LYRM2: variants seen among roughly 807,000 people sequenced by gnomAD.
The protein encoded by LYRM2 is LYR motif-containing protein 2.
A neutral mutation model predicts 11.6 loss-of-function variants in LYRM2; 8 were observed. That is an observed-to-expected ratio of 0.69 (90% confidence interval 0.40 to 1.24). The LOEUF (loss-of-function observed/expected upper bound fraction) is 1.24, where lower values mean the gene tolerates loss of function less well. Ranked by LOEUF, LYRM2 falls within the 50% of genes most tolerant of loss-of-function variation. LYRM2 has a pLI of 0.01. For missense variants in LYRM2, 117 were observed against 102.9 expected (o/e 1.14, Z -0.59); for synonymous variants, 30 against 36.4 (o/e 0.83, Z 0.63).
At position 89,637,184 on chromosome 6, in the gene LYRM2, G is replaced by A; in HGVS notation, c.*89C>T. 1.4e-6 allele frequency: 1 copy of A among 702,550 alleles called. No individual in the cohort carries two copies. Among genetic ancestry groups the A allele is most frequent in the Non-Finnish European group, 2.5e-6 (1 of 399,246 alleles). The allele number at this position is 702,550 out of a possible 1,614,324, so 43.5% of individuals were successfully genotyped here. On this transcript the variant is annotated 3_prime_UTR_variant, in exon 3 of 3. Transcript: ENST00000523377. ...TCACCAAATACTGTACATATAAATA[G>A]TAAGACTGGGCTTTGTGTTGTCCAT...
chr6:89,638,722 C>T lies in LYRM2; in HGVS notation c.-6G>A. 2 of 1,613,996 alleles carry T rather than the reference C, an allele frequency of 1.2e-6. No individual in the cohort carries two copies. Among genetic ancestry groups the T allele is most frequent in the Non-Finnish European group, 1.7e-6 (2 of 1,179,938 alleles). Reference sequence around the variant, plus strand: ...GGTAAGCGGGAAGCAGCCATGTCCACCAGAGGTCCGCCGGAGCCTCAGCGC... The same window carrying T: ...GGTAAGCGGGAAGCAGCCATGTCCATCAGAGGTCCGCCGGAGCCTCAGCGC... On this transcript the variant is annotated 5_prime_UTR_variant, in exon 1 of 3. The change creates a new upstream start codon in the 5' untranslated region. Transcript: ENST00000523377.
rs1165146489 is a variant in LYRM2 at position 89,633,170 on chromosome 6, A to C, written c.*4103T>G. 2.0e-5 allele frequency: 3 copies of C among 152,206 alleles called. No individual in the cohort carries two copies. The highest frequency in any genetic ancestry group is 7.2e-5 in the African/African-American group (3 of 41,436). 9.4% of individuals were successfully genotyped at this position (152,206 alleles called of 1,614,324 possible). Reference sequence around the variant, plus strand: ...GGGTCAAAAGGACCTAGTGTGGCTTACTACATGGATCTTGTCTCTTGGAGG... The same window carrying C: ...GGGTCAAAAGGACCTAGTGTGGCTTCCTACATGGATCTTGTCTCTTGGAGG... On this transcript the variant is annotated 3_prime_UTR_variant, in exon 3 of 3. Transcript: ENST00000523377.
At chr6:89,637,391 G>C (rs768232487) in intron 2 of LYRM2, 38 bp from the exon 3 acceptor site, 3 of 1,275,934 alleles carry the variant, frequency 2.4e-6, no homozygotes, top group Non-Finnish European at 2.3e-6. Context: ...AGTTTTACCT[G>C]GTTAAACAAG....
At position 89,638,700 on chromosome 6, in the gene LYRM2, A is replaced by G. The variant is rs138888955; in HGVS notation, c.17T>C (p.Leu6Ser). 2.4e-5 allele frequency: 38 copies of G among 1,613,948 alleles called. No individual in the cohort carries two copies. The highest frequency in any genetic ancestry group is 3.0e-5 in the Non-Finnish European group (35 of 1,179,986). MAASR[L>S]PPATLTLKQF... is the part of the protein sequence containing the mutation. ...CTTTAACGTTAGCGTCGCTGGGGGT[A>G]AGCGGGAAGCAGCCATGTCCACCAG... Residue 6 changes from leucine (L) to serine (S), a missense_variant, in exon 1 of 3, where the codon TTA becomes TCA. Leu to Ser is a moderately radical substitution (Grantham distance 145). Transcript: ENST00000523377.
rs1808013131 is a variant in LYRM2, at chr6:89,636,678, T to C, written c.*595A>G. The C allele has an allele frequency of 7.4e-6, 1 of 135,156 alleles. No individual in the cohort carries two copies. The highest frequency in any genetic ancestry group is 1.7e-5 in the Non-Finnish European group (1 of 59,416). The allele number at this position is 135,156 out of a possible 1,614,324, so 8.4% of individuals were successfully genotyped here. On this transcript the variant is annotated 3_prime_UTR_variant, in exon 3 of 3. Transcript: ENST00000523377. Reference sequence around the variant, plus strand: ...ATTCTAGTGAATGTGAATCTCAGGGTTGTTTTTTTTTTTTTTTTTTAGAGA... The same window carrying C: ...ATTCTAGTGAATGTGAATCTCAGGGCTGTTTTTTTTTTTTTTTTTTAGAGA...
At chr6:89,637,661 A>T in intron 2 of LYRM2, 81 bp downstream of exon 2, 1 of 1,403,258 alleles carries the variant, frequency 7.1e-7, no homozygotes, top group Non-Finnish European at 9.8e-7. Context: ...ATATTCCAAG[A>T]TGTCTGCTAA....
In LYRM2 at chr6:89,637,781, T is replaced by C. The variant is rs181413728; in HGVS notation, c.147A>G (p.Ala49=). The C allele has an allele frequency of 2.5e-6, 4 of 1,614,116 alleles. No homozygotes were observed. The African/African-American group carries it at 4.0e-5, about 16-fold the overall frequency. ...TTTTGTTTCTTCTGAATTCTTCTCT[T>C]GCCCAATCTTTCAGGTATTTGCGAT... ...DSDRKYLKDW[A]REEFRRNKSA... The change falls in exon 2 of 3, where the codon GCA becomes GCG. Residue 49 remains alanine, a synonymous_variant. Transcript: ENST00000523377.
intron 1 of LYRM2, 32 bp from the exon 2 acceptor site, chr6:89,637,914 A>G: frequency 1.3e-6 from 2 of 1,581,976 alleles, no homozygotes; most frequent in Non-Finnish European, 1.7e-6. Flanking sequence ...AGCAATTACT[A>G]CTGCACAATC....
chr6:89,633,029 A>C lies in LYRM2; in HGVS notation c.*4244T>G, dbSNP rs1353370583. 1.3e-5 allele frequency: 2 copies of C among 152,220 alleles called. No homozygotes were observed. The highest frequency in any genetic ancestry group is 4.8e-5 in the African/African-American group (2 of 41,458). 9.4% of individuals were successfully genotyped at this position (152,220 alleles called of 1,614,324 possible). A position where few individuals can be genotyped will look rare whatever the true frequency, so the allele number is the denominator to read the frequency against. On this transcript the variant is annotated 3_prime_UTR_variant, in exon 3 of 3. Transcript: ENST00000523377. ...TTTAAGTATCAAGTCTAGACCATAG[A>C]GTGCTTTGGTGGGAGTATTTTGATT...
rs895355180 is a variant in LYRM2, at chr6:89,634,983, A to G, written c.*2290T>C. 2 of 152,014 alleles carry G rather than the reference A, an allele frequency of 1.3e-5. No individual in the cohort carries two copies. The highest frequency in any genetic ancestry group is 2.4e-5 in the African/African-American group (1 of 41,356). 9.4% of individuals were successfully genotyped at this position (152,014 alleles called of 1,614,324 possible). A position where few individuals can be genotyped will look rare whatever the true frequency, so the allele number is the denominator to read the frequency against. The stretch of plus-strand genomic sequence containing the variant: ...CTAGCTAGTCTCGAAATCCTGACCT[A>G]AAGTGATCCACCCACCTCAGCCTCC... On this transcript the variant is annotated 3_prime_UTR_variant, in exon 3 of 3. Transcript: ENST00000523377.
intron 2 of LYRM2, among the ~76,000 whole-genome samples, 187 bp downstream of exon 2, chr6:89,637,553 CTT>C (rs1259043814): frequency 6.6e-6 from 1 of 151,838 alleles, no homozygotes; most frequent in African/African-American, 2.4e-5. Flanking sequence ...TGTAGATACT[CTT>C]TTATCTACAT....
chr6:89,638,431 G>T, intron 1 of LYRM2: 1 of 1,432,844 alleles, frequency 7.0e-7, no homozygotes, highest in Non-Finnish European at 9.1e-7. Context: ...TGAGGCACCG[G>T]GACTCAGGGA....
chr6:89,638,739 C>T lies in LYRM2; in HGVS notation c.-23G>A. ...CATGTCCACCAGAGGTCCGCCGGAG[C>T]CTCAGCGCGCAGGAGCGGAAGTGGG... is the stretch of plus-strand genomic sequence containing the variant. On this transcript the variant is annotated 5_prime_UTR_variant, in exon 1 of 3. Transcript: ENST00000523377. 6.2e-7 allele frequency: 1 copy of T among 1,613,440 alleles called. No homozygotes were observed. Among genetic ancestry groups the T allele is most frequent in the Non-Finnish European group, 8.5e-7 (1 of 1,179,806 alleles).
chr6:89,638,264 C>A (rs1216745773), intron 1 of LYRM2: 1 of 1,138,234 alleles, frequency 8.8e-7, no homozygotes. Context: ...AAATCAGGAG[C>A]TGCCTACCGG....
At position 89,636,271 on chromosome 6, in the gene LYRM2, C is replaced by A. The variant is rs1404364453; in HGVS notation, c.*1002G>T. 1 of 152,238 alleles carries A rather than the reference C, an allele frequency of 6.6e-6. No individual in the cohort carries two copies. Among genetic ancestry groups the A allele is most frequent in the South Asian group, 2.1e-4 (1 of 4,830 alleles). The allele number at this position is 152,238 out of a possible 1,614,324, so 9.4% of individuals were successfully genotyped here. ...ATATTTTCATCACCCTGAAAAGGAA[C>A]CCTACACCCATTAGCAGTTACTCCA... On this transcript the variant is annotated 3_prime_UTR_variant, in exon 3 of 3. Transcript: ENST00000523377.
At chr6:89,638,409 G>C in intron 1 of LYRM2, 1 of 1,411,444 alleles carries the variant, frequency 7.1e-7, no homozygotes, top group South Asian at 1.5e-5. Context: ...TTTACCGTGG[G>C]CACTGGGCAG....
chr6:89,638,559 G>A, intron 1 of LYRM2, 113 bp downstream of exon 1: 2 of 1,593,792 alleles, frequency 1.3e-6, no homozygotes, highest in Admixed American at 3.4e-5. Flanking sequence ...AATCTCAGAG[G>A]GCGCGCACGC....
At chr6:89,638,595 C>T in intron 1 of LYRM2, 77 bp downstream of exon 1, 4 of 1,607,072 alleles carry the variant, frequency 2.5e-6, no homozygotes, top group African/African-American at 1.3e-5. Flanking sequence ...GAACCCGCCC[C>T]GTTGGGGATA....
In LYRM2 at chr6:89,632,961, A is replaced by G. The variant is rs1433517796; in HGVS notation, c.*4312T>C. On this transcript the variant is annotated 3_prime_UTR_variant, in exon 3 of 3. Transcript: ENST00000523377. ...ATTTTCACTTACCAAAATATCTCCT[A>G]TTACCTCAAGGTATCCTTGTTGAGG... The G allele has an allele frequency of 2.0e-5, 3 of 152,240 alleles. No homozygotes were observed. Among genetic ancestry groups the G allele is most frequent in the African/African-American group, 7.2e-5 (3 of 41,464 alleles). The allele number at this position is 152,240 out of a possible 1,614,324, so 9.4% of individuals were successfully genotyped here.
Sources: allele counts gnomAD v4.1 joint callset (sites outside exome capture counted in the v4.1 genomes callset), GRCh38; gene constraint gnomAD v4.1.1; transcripts MANE v1.5; gene names NCBI Gene and HGNC (gene_info 2026-07-23, HGNC 2026-07-21).